Variants in GLIS2 observed in about 807,000 individuals in gnomAD.
GLIS2 encodes GLIS family zinc finger 2.
In GLIS2, 14 loss-of-function variants were observed where a neutral mutation model predicts 35.6. The ratio of observed to expected loss-of-function variants is 0.39; its 90% CI spans 0.26 to 0.61. GLIS2 has a LOEUF of 0.61. Among genes scored for constraint, GLIS2 ranks in the 20% least tolerant of loss-of-function variants. GLIS2 has a pLI of 0.48. For missense variants in GLIS2, 675 were observed against 713.4 expected (o/e 0.95, Z 0.61); for synonymous variants, 368 against 325.1 (o/e 1.13, Z -1.42).
intron 1 of GLIS2, among the ~76,000 whole-genome samples, chr16:4,328,493 C>T (rs1212029117): frequency 6.6e-6 from 1 of 152,238 alleles, no homozygotes; most frequent in African/African-American, 2.4e-5. Flanking sequence ...GGGGTGGGGC[C>T]TCCATTGGAG....
rs1163952722 is a variant in GLIS2 at position 4,335,630 on chromosome 16, G to A, written c.775+237G>A. On this transcript the variant is annotated intron_variant, in intron 6 of 6. Transcript: ENST00000433375. This position sits in a 1 kb window ranked among gnomAD's most constrained non-coding sequence, Gnocchi z 4.6. ...GCACCAATGCCATTTCCTGGTTCCC[G>A]TGGGTATCTTCTGACTAATGCCACC... Among the ~76,000 whole-genome samples the A allele has an allele frequency of 2.6e-5, 4 of 152,196 alleles. No individual in the cohort carries two copies. The highest frequency in any genetic ancestry group is 4.8e-5 in the African/African-American group (2 of 41,448).
chr16:4,321,832 C>G (rs1380293584), intron 1 of GLIS2, among the ~76,000 whole-genome samples: 1 of 152,190 alleles, frequency 6.6e-6, no homozygotes, highest in African/African-American at 2.4e-5. Flanking sequence ...AGGCCTGGGG[C>G]TGAAGGTCGG....
intron 1 of GLIS2, among the ~76,000 whole-genome samples, 146 bp downstream of exon 1, chr16:4,316,400 G>GCC (rs1428064362): frequency 6.7e-6 from 1 of 149,784 alleles, no homozygotes; most frequent in Non-Finnish European, 1.5e-5. Context: ...CCTCGCCGAG[G>GCC]CCCCCGCGTT....
chr16:4,316,176 G>T lies in GLIS2; in HGVS notation c.-145G>T, dbSNP rs1372819656. On this transcript the variant is annotated 5_prime_UTR_variant, in exon 1 of 7. Coordinates refer to ENST00000433375, the MANE Select transcript of GLIS2 (RefSeq NM_032575.3). ...CGCGCCCCGGCCCCCGCCCGTCCCG[G>T]CCCCTCCCCCGCTCGGCTCCCCGCG... Among the ~76,000 whole-genome samples, 1 of 142,608 alleles carries T rather than the reference G, an allele frequency of 7.0e-6. No homozygotes were observed. Among genetic ancestry groups the T allele is most frequent in the Non-Finnish European group, 1.6e-5 (1 of 64,514 alleles). The allele number at this position is 142,608 out of a possible 152,430, so 93.6% of individuals were successfully genotyped here. A position where few individuals can be genotyped will look rare whatever the true frequency, so the allele number is the denominator to read the frequency against.
rs1451186275 is a variant in GLIS2, at chr16:4,337,140, C to T, written c.1191C>T (p.Gly397=). The T allele has an allele frequency of 2.0e-6, 3 of 1,537,124 alleles. No homozygotes were observed. The highest frequency in any genetic ancestry group is 2.4e-5 in the East Asian group (1 of 40,904). Residue 397 remains glycine (G), a synonymous_variant, in exon 7 of 7, where the codon GGC becomes GGT. Coordinates refer to ENST00000433375, the MANE Select transcript of GLIS2 (RefSeq NM_032575.3). ...GNGGGSGGGG[G]MGPGLPGPVL... ...GTGGGGGCAGTGGGGGTGGGGGGGG[C>T]ATGGGCCCTGGGCTGCCAGGCCCCG...
chr16:4,324,378 T>TC (rs1283655280), intron 1 of GLIS2, among the ~76,000 whole-genome samples: 1 of 152,072 alleles, frequency 6.6e-6, no homozygotes, highest in Non-Finnish European at 1.5e-5. Flanking sequence ...GATCAGGCCT[T>TC]CCCGGGGCCT....
intron 1 of GLIS2, among the ~76,000 whole-genome samples, chr16:4,316,701 C>T (rs2053316842): frequency 6.6e-6 from 1 of 152,116 alleles, no homozygotes; most frequent in African/African-American, 2.4e-5. Flanking sequence ...TTGGAAGGTG[C>T]CTCCTCCCTT....
In GLIS2 at chr16:4,335,015, G is replaced by T; in HGVS notation, c.522+38G>T. 1 of 1,613,268 alleles carries T rather than the reference G, an allele frequency of 6.2e-7. No homozygotes were observed. ...CAGCAAGAGTAGTGTGGAGTCTGGG[G>T]CAGGTCACCCCGCATGGGCTCAGAA... On this transcript the variant is annotated intron_variant, in intron 4 of 6. Coordinates refer to ENST00000433375, the MANE Select transcript of GLIS2 (RefSeq NM_032575.3). The surrounding 1 kb of genome is among the most constrained non-coding windows in gnomAD (Gnocchi z 4.6).
chr16:4,333,541 G>A (rs922714543), intron 3 of GLIS2, 22 bp downstream of exon 3: 23 of 1,598,060 alleles, frequency 1.4e-5, no homozygotes, highest in Middle Eastern at 1.7e-4. Context: ...TGAGAGTTCC[G>A]GAGAGAGGGG....
intron 1 of GLIS2, among the ~76,000 whole-genome samples, chr16:4,330,914 T>C (rs1034658107): frequency 1.3e-5 from 2 of 152,258 alleles, no homozygotes; most frequent in Non-Finnish European, 2.9e-5. Context: ...TTTACCAGAA[T>C]GAGGGCAAGG....
chr16:4,324,981 G>T (rs1343217756), intron 1 of GLIS2, among the ~76,000 whole-genome samples: 3 of 152,204 alleles, frequency 2.0e-5, no homozygotes, highest in African/African-American at 7.2e-5. Flanking sequence ...CTGCCCGCCA[G>T]CCCCTGCTGC....
intron 1 of GLIS2, among the ~76,000 whole-genome samples, chr16:4,330,850 C>T (rs192390192): frequency 6.6e-6 from 1 of 152,376 alleles, no homozygotes; most frequent in East Asian, 1.9e-4. Context: ...AAAATCTCTG[C>T]AGCGCTGTGA....
In GLIS2 at chr16:4,318,888, G is replaced by A. The variant is rs545491581; in HGVS notation, c.-67+2634G>A. The stretch of plus-strand genomic sequence containing the variant: ...TTCCCCACTTGGACCAGGGGGTGAG[G>A]GCCAGTGCCGGCCAGGGTTTGGGGC... On this transcript the variant is annotated intron_variant, in intron 1 of 6. Transcript: ENST00000433375. Among the ~76,000 whole-genome samples the A allele has an allele frequency of 8.5e-5, 13 of 152,348 alleles. No homozygotes were observed. The East Asian group carries it at 2.5e-3, about 29-fold the overall frequency.
At chr16:4,336,666 G>A (rs568778714) in intron 6 of GLIS2, 59 bp from the exon 7 acceptor site, 141 of 1,513,236 alleles carry the variant, frequency 9.3e-5, no homozygotes, top group Admixed American at 2.0e-4. Flanking sequence ...AGTGCATGGG[G>A]TGAGACCCAG....
chr16:4,318,636 G>A (rs1188302381), intron 1 of GLIS2, among the ~76,000 whole-genome samples: 3 of 152,186 alleles, frequency 2.0e-5, no homozygotes, highest in South Asian at 4.1e-4. Context: ...GTCTCCCAGG[G>A]CCCCTTCTTG....
At chr16:4,323,331 C>T (rs1318853251) in intron 1 of GLIS2, among the ~76,000 whole-genome samples, 3 of 152,160 alleles carry the variant, frequency 2.0e-5, no homozygotes, top group Non-Finnish European at 4.4e-5. Flanking sequence ...GTGGGGGCTG[C>T]GGGGCGGGCT....
rs751898309 is a variant in GLIS2 at position 4,332,295 on chromosome 16, C to T, written c.15C>T (p.Asp5=). Residue 5 remains aspartate, a synonymous_variant, in exon 2 of 7, where the codon GAC becomes GAT. Transcript: ENST00000433375. The surrounding 1 kb of genome is among the most constrained non-coding windows in gnomAD (Gnocchi z 5.4). ...GCCCCCTCACCATGCACTCCCTGGACGAGCCGCTCGACCTGAAGCTGAGTA... is the reference window on the plus strand; with the variant it reads ...GCCCCCTCACCATGCACTCCCTGGATGAGCCGCTCGACCTGAAGCTGAGTA... MHSL[D]EPLDLKLSIT... is the part of the protein sequence containing the mutation. 16 of 1,612,204 alleles carry T rather than the reference C, an allele frequency of 9.9e-6. 1 individual carries two copies. Among genetic ancestry groups the T allele is most frequent in the African/African-American group, 5.3e-5 (4 of 74,912 alleles).
rs779581418 is a variant in GLIS2, at chr16:4,337,369, C to T, written c.1420C>T (p.Arg474Trp). 5.4e-5 allele frequency: 86 copies of T among 1,592,816 alleles called. No homozygotes were observed. Among genetic ancestry groups the T allele is most frequent in the South Asian group, 1.3e-4 (11 of 87,864 alleles). The change falls in exon 7 of 7, where the codon CGG (arginine) becomes TGG (tryptophan). Residue 474 changes from arginine (R) to tryptophan (W), a missense_variant. Around this residue, in one of 3 missense-constraint regions of GLIS2, gnomAD observed 317 missense variants for 283.2 expected, o/e 1.12. Transcript: ENST00000433375. ...TGAAAGGACGGAGAGCAGCTGCTCC[C>T]GGCCAAGCCCCGATGGACTCCCCCT... ...PLERTESSCS[R>W]PSPDGLPLLP...
At chr16:4,329,530 A>G (rs2053475504) in intron 1 of GLIS2, among the ~76,000 whole-genome samples, 1 of 151,950 alleles carries the variant, frequency 6.6e-6, no homozygotes, top group African/African-American at 2.4e-5. Context: ...GGGTCTGGGG[A>G]TGTGTCCCTA....
Sources: allele counts gnomAD v4.1 joint callset (sites outside exome capture counted in the v4.1 genomes callset), GRCh38; gene constraint gnomAD v4.1.1; regional missense constraint gnomAD v4.1.1; non-coding constraint Gnocchi (gnomAD v3.1); transcripts MANE v1.5; gene names NCBI Gene and HGNC (gene_info 2026-07-23, HGNC 2026-07-21).